The following VWA5B2 variants were observed in gnomAD, a reference collection of about 807,000 sequenced individuals.
The protein encoded by VWA5B2 is von Willebrand factor A domain containing 5B2.
Under a neutral mutation model 118.5 loss-of-function variants are expected in VWA5B2, and 93 were observed. The observed-to-expected ratio is 0.79, with a 90% CI of 0.66 to 0.93. VWA5B2 has a LOEUF of 0.93. Among genes scored for constraint, VWA5B2 ranks in the 40% least tolerant of loss-of-function variants. The pLI, the probability that VWA5B2 is intolerant of heterozygous loss-of-function variation, is 0.00. For synonymous variants in VWA5B2, 708 were observed against 716.3 expected (o/e 0.99, Z 0.19); for missense variants, 1,546 against 1,672.8 (o/e 0.92, Z 1.32).
intron 9 of VWA5B2, 31 bp from the exon 10 acceptor site, chr3:184,236,312 G>C: frequency 1.3e-6 from 2 of 1,551,042 alleles, no homozygotes; most frequent in Non-Finnish European, 1.7e-6. Flanking sequence ...TTTCAGCCCA[G>C]TGCGTCCCAG....
In VWA5B2 at chr3:184,234,768, G is replaced by C. The variant is rs541694347; in HGVS notation, c.945+13G>C. On this transcript the variant is annotated intron_variant, in intron 7 of 19. Transcript: ENST00000691901. ...TGGGGACCGGCAGGTACCGCCATAGGAGCCTGGCCTGGCCCCTGGCCTTGG... is the reference window on the plus strand; with the variant it reads ...TGGGGACCGGCAGGTACCGCCATAGCAGCCTGGCCTGGCCCCTGGCCTTGG... The C allele has an allele frequency of 6.8e-5, 105 of 1,551,226 alleles. 1 individual carries two copies. In the East Asian group the frequency reaches 2.5e-3, roughly 38 times the overall value.
rs778554507 is a variant in VWA5B2, at chr3:184,233,356, C to T, written c.489C>T (p.Gly163=). The stretch of plus-strand genomic sequence containing the variant: ...TGCTCACCCCGCTGGCCCCGCCAGG[C>T]CCGCCGGGGCCCCCCAGGCCTCCGG... ...PTVLTPLAPP[G]PPGPPRPPGL... is the part of the protein sequence containing the mutation. The change falls in exon 4 of 20, where the codon GGC becomes GGT. Residue 163 remains glycine, a synonymous_variant. Coordinates refer to ENST00000691901, the MANE Select transcript of VWA5B2 (RefSeq NM_001390846.1). This position sits in a 1 kb window ranked among gnomAD's most constrained non-coding sequence, Gnocchi z 5.2. 8 of 1,539,664 alleles carry T rather than the reference C, an allele frequency of 5.2e-6. No homozygotes were observed. Among genetic ancestry groups the T allele is most frequent in the Non-Finnish European group, 7.0e-6 (8 of 1,142,444 alleles).
Position 184,242,008 on chromosome 3 carries a change from C to G in VWA5B2, c.3699C>G (p.His1233Gln), listed in dbSNP as rs1433349325. 8 of 1,550,206 alleles carry G rather than the reference C, an allele frequency of 5.2e-6. No individual in the cohort carries two copies. The highest frequency in any genetic ancestry group is 7.0e-6 in the Non-Finnish European group (8 of 1,146,974). The change falls in exon 20 of 20, where the codon CAC (histidine) becomes CAG (glutamine). Residue 1233 changes from histidine (H) to glutamine (Q), a missense_variant. Physicochemically the swap from His to Gln is conservative, Grantham distance 24 (BLOSUM62 0). Transcript: ENST00000691901. Reference protein sequence around the residue: ...LRHWDQNLQLHLLCYSPANV With the variant: ...LRHWDQNLQLQLLCYSPANV The stretch of plus-strand genomic sequence containing the variant: ...ACTGGGACCAAAACCTGCAGCTACA[C>G]CTGCTGTGCTACAGCCCAGCGAACG...
chr3:184,240,428 T>C, intron 16 of VWA5B2: 2 of 369,298 alleles, frequency 5.4e-6, no homozygotes, highest in Non-Finnish European at 9.8e-6. Context: ...GCTGAAGTAC[T>C]CAATAGTCAA....
chr3:184,237,192 C>T lies in VWA5B2; in HGVS notation c.1534-34C>T, dbSNP rs1486405780. 5 of 1,543,614 alleles carry T rather than the reference C, an allele frequency of 3.2e-6. No individual in the cohort carries two copies. The South Asian group carries it at 6.0e-5, about 18-fold the overall frequency. ...TGTCTGGCCGTATGACACCTCTTTC[C>T]TTCCCATGTCTTCCCTGTGGCCACT... On this transcript the variant is annotated intron_variant, in intron 11 of 19. Transcript: ENST00000691901. This position sits in a 1 kb window ranked among gnomAD's most constrained non-coding sequence, Gnocchi z 5.6.
At chr3:184,236,826 C>A in intron 11 of VWA5B2, 77 bp downstream of exon 11, 2 of 1,279,724 alleles carry the variant, frequency 1.6e-6, no homozygotes, top group Non-Finnish European at 2.1e-6. Flanking sequence ...TGAAACAGAA[C>A]TCAGGCAGGC....
At position 184,242,103 on chromosome 3, in the gene VWA5B2, C is replaced by A; in HGVS notation, c.*65C>A. ...ACACTCAAGTCACTGCCGCCCAGGG[C>A]TGGCCTCTTGGTGCTGGGAAAGTGT... On this transcript the variant is annotated 3_prime_UTR_variant, in exon 20 of 20. Transcript: ENST00000691901. 1.3e-6 allele frequency: 2 copies of A among 1,523,414 alleles called. No homozygotes were observed. The highest frequency in any genetic ancestry group is 1.2e-5 in the South Asian group (1 of 81,860). The allele number at this position is 1,523,414 out of a possible 1,614,324, so 94.4% of individuals were successfully genotyped here.
In VWA5B2 at chr3:184,237,124, G is replaced by A; in HGVS notation, c.1534-102G>A. ...CTGGCCCTGTGCCCCATCAGCTTAG[G>A]GGCTGGGCAGATGGCATCAGGGGAA... On this transcript the variant is annotated intron_variant, in intron 11 of 19. Coordinates refer to ENST00000691901, the MANE Select transcript of VWA5B2 (RefSeq NM_001390846.1). The surrounding 1 kb of genome is among the most constrained non-coding windows in gnomAD (Gnocchi z 5.6). The A allele has an allele frequency of 1.5e-6, 2 of 1,332,112 alleles. No individual in the cohort carries two copies. Among genetic ancestry groups the A allele is most frequent in the South Asian group, 1.4e-5 (1 of 70,908 alleles). 82.5% of individuals were successfully genotyped at this position (1,332,112 alleles called of 1,614,324 possible). A position where few individuals can be genotyped will look rare whatever the true frequency, so the allele number is the denominator to read the frequency against.
In VWA5B2 at chr3:184,236,959, A is replaced by T. The variant is rs73884901; in HGVS notation, c.1533+210A>T. Among the ~76,000 whole-genome samples, 385 of 152,292 alleles carry T rather than the reference A, an allele frequency of 2.5e-3. 1 individual carries two copies. Among genetic ancestry groups the T allele is most frequent in the African/African-American group, 8.9e-3 (371 of 41,558 alleles). ...TCTGACCACCCTCTGAATCCCATTT[A>T]GTCCTGGAACGGAGCCTCGTCCTCA... is the stretch of plus-strand genomic sequence containing the variant. On this transcript the variant is annotated intron_variant, in intron 11 of 19. Coordinates refer to ENST00000691901, the MANE Select transcript of VWA5B2 (RefSeq NM_001390846.1).
rs1233403755 is a variant in VWA5B2 at position 184,239,414 on chromosome 3, G to A, written c.2223G>A (p.Glu741=). The change falls in exon 15 of 20, where the codon GAG becomes GAA. Residue 741 remains glutamate, a synonymous_variant. Coordinates refer to ENST00000691901, the MANE Select transcript of VWA5B2 (RefSeq NM_001390846.1). The surrounding 1 kb of genome is among the most constrained non-coding windows in gnomAD (Gnocchi z 5.1). ...TGCAGGTGGGGGCCTTGAGTACTGA[G>A]GTGCTGGGCCGTCAGCACAGAGCGG... ...APFKVGALST[E]VLGRQHRAAL... The A allele has an allele frequency of 1.3e-6, 2 of 1,545,472 alleles. No homozygotes were observed. The highest frequency in any genetic ancestry group is 1.7e-6 in the Non-Finnish European group (2 of 1,143,210).
chr3:184,231,242 GC>G (rs1717373558), intron 3 of VWA5B2, among the ~76,000 whole-genome samples: 1 of 152,152 alleles, frequency 6.6e-6, no homozygotes, highest in African/African-American at 2.4e-5. Flanking sequence ...GTCCCCTCCG[GC>G]CCCTTACTAT....
rs1718123067 is a variant in VWA5B2 at position 184,237,450 on chromosome 3, A to T, written c.1719+39A>T. 2.0e-6 allele frequency: 3 copies of T among 1,509,676 alleles called. No homozygotes were observed. Among genetic ancestry groups the T allele is most frequent in the Non-Finnish European group, 1.8e-6 (2 of 1,117,278 alleles). The allele number at this position is 1,509,676 out of a possible 1,614,324, so 93.5% of individuals were successfully genotyped here. ...GGGGTGTGGTAGGGGGGCTAGGGTGAGGTAGGGGGGCCTGGGATGGCTGAA... is the reference window on the plus strand; with the variant it reads ...GGGGTGTGGTAGGGGGGCTAGGGTGTGGTAGGGGGGCCTGGGATGGCTGAA... On this transcript the variant is annotated intron_variant, in intron 12 of 19. Coordinates refer to ENST00000691901, the MANE Select transcript of VWA5B2 (RefSeq NM_001390846.1). The surrounding 1 kb of genome is among the most constrained non-coding windows in gnomAD (Gnocchi z 5.6).
chr3:184,237,529 A>G lies in VWA5B2; in HGVS notation c.1719+118A>G, dbSNP rs890311592. 8.8e-7 allele frequency: 1 copy of G among 1,134,312 alleles called. No individual in the cohort carries two copies. The highest frequency in any genetic ancestry group is 1.6e-5 in the African/African-American group (1 of 64,170). The allele number at this position is 1,134,312 out of a possible 1,614,324, so 70.3% of individuals were successfully genotyped here. ...CCATTCTCTGTGCCTCTCTCTACCA[A>G]GCTTCTCTACTATCCCCTAGGACTC... On this transcript the variant is annotated intron_variant, in intron 12 of 19. Coordinates refer to ENST00000691901, the MANE Select transcript of VWA5B2 (RefSeq NM_001390846.1). The surrounding 1 kb of genome is among the most constrained non-coding windows in gnomAD (Gnocchi z 5.6).
Position 184,240,589 on chromosome 3 carries a change from T to G in VWA5B2, c.2741-202T>G, listed in dbSNP as rs1389073609. On this transcript the variant is annotated intron_variant, in intron 16 of 19. Transcript: ENST00000691901. Reference sequence around the variant, plus strand: ...AATTTCTGGGCAGCCAGGGGGCTCTTGCTCTGCTATGGGTTGAAGATTCAG... The same window carrying G: ...AATTTCTGGGCAGCCAGGGGGCTCTGGCTCTGCTATGGGTTGAAGATTCAG... 4.3e-6 allele frequency: 3 copies of G among 699,146 alleles called. No homozygotes were observed. The Admixed American group carries it at 9.0e-5, about 21-fold the overall frequency. The allele number at this position is 699,146 out of a possible 1,614,324, so 43.3% of individuals were successfully genotyped here. A position where few individuals can be genotyped will look rare whatever the true frequency, so the allele number is the denominator to read the frequency against.
At position 184,236,561 on chromosome 3, in the gene VWA5B2, G is replaced by A. The variant is rs1243476077; in HGVS notation, c.1421+10G>A. The A allele has an allele frequency of 4.5e-6, 7 of 1,550,552 alleles. No homozygotes were observed. In the African/African-American group the frequency reaches 5.5e-5, roughly 12 times the overall value. On this transcript the variant is annotated intron_variant, in intron 10 of 19. Transcript: ENST00000691901. ...ACAGGGGGACAGCCAGGTATGGGAT[G>A]GGCAGAACCAGATGCGTAAGACTGA...
chr3:184,236,994 C>T (rs74447284), intron 11 of VWA5B2, among the ~76,000 whole-genome samples: 103 of 152,276 alleles, frequency 6.8e-4, no homozygotes, highest in African/African-American at 2.4e-3. Flanking sequence ...ACAGTCTTGC[C>T]CCATCCATGT....
intron 1 of VWA5B2, among the ~76,000 whole-genome samples, chr3:184,230,075 G>A (rs1016400732): frequency 6.6e-6 from 1 of 152,092 alleles, no homozygotes; most frequent in Non-Finnish European, 1.5e-5. Context: ...GGGGATTCGG[G>A]CCCTTTAAAC....
In VWA5B2 at chr3:184,242,027, G is replaced by T; in HGVS notation, c.3718G>T (p.Ala1240Ser). ...GCTACACCTGCTGTGCTACAGCCCAGCGAACGTGTGAAGGCTGCCCCCTGC... is the reference window on the plus strand; with the variant it reads ...GCTACACCTGCTGTGCTACAGCCCATCGAACGTGTGAAGGCTGCCCCCTGC... ...LQLHLLCYSP[A>S]NV The change falls in exon 20 of 20, where the codon GCG becomes TCG. Residue 1240 changes from alanine to serine, a missense_variant. Ala to Ser is a moderately conservative substitution (Grantham distance 99). Coordinates refer to ENST00000691901, the MANE Select transcript of VWA5B2 (RefSeq NM_001390846.1). The T allele has an allele frequency of 6.5e-7, 1 of 1,549,568 alleles. No homozygotes were observed.
intron 10 of VWA5B2, 43 bp downstream of exon 10, chr3:184,236,594 C>CA: frequency 6.5e-7 from 1 of 1,547,016 alleles, no homozygotes; most frequent in East Asian, 2.5e-5. Context: ...TGAGCCCCCA[C>CA]AAGGGGCTCC....
Sources: allele counts gnomAD v4.1 joint callset (sites outside exome capture counted in the v4.1 genomes callset), GRCh38; gene constraint gnomAD v4.1.1; non-coding constraint Gnocchi (gnomAD v3.1); transcripts MANE v1.5; gene names NCBI Gene and HGNC (gene_info 2026-07-23, HGNC 2026-07-21).